Variants in TTLL4 observed in about 807,000 individuals in gnomAD.
TTLL4 encodes tubulin tyrosine ligase like 4.
In TTLL4, 85 loss-of-function variants were observed where a neutral mutation model predicts 122.7. The ratio of observed to expected loss-of-function variants is 0.69; its 90% CI spans 0.58 to 0.83. The LOEUF is 0.83. Ranked by LOEUF, TTLL4 falls within the 40% of genes least tolerant of loss-of-function variation. The pLI is 0.00. For missense variants in TTLL4, 1,363 were observed against 1,488.6 expected, an observed-to-expected ratio of 0.92 and a Z score of 1.39; for synonymous variants, 553 against 563.0, an observed-to-expected ratio of 0.98 and a Z score of 0.25.
rs149575697 is a variant in TTLL4, at chr2:218,738,314, A to G, written c.638A>G (p.Tyr213Cys). The G allele has an allele frequency of 2.2e-3, 3,507 of 1,614,078 alleles. 9 individuals are homozygous for G. The highest frequency in any genetic ancestry group is 2.7e-3 in the Non-Finnish European group (3,244 of 1,180,012). The stretch of plus-strand genomic sequence containing the variant: ...ATCCCATCTCCACTCTCTTCCTCCT[A>G]TAAGCCCATGCTGAATAATAATTCC... The part of the protein sequence containing the change: ...GKIPSPLSSS[Y>C]KPMLNNNSFM... Residue 213 changes from tyrosine to cysteine, a missense_variant, in exon 3 of 20, where the codon TAT becomes TGT. Transcript: ENST00000392102.
At chr2:218,743,724 G>A (rs558688828) in intron 5 of TTLL4, among the ~76,000 whole-genome samples, 2 of 152,202 alleles carry the variant, frequency 1.3e-5, no homozygotes, top group East Asian at 3.9e-4. Context: ...TTGTTACCCA[G>A]GCCGGAGTGC....
intron 2 of TTLL4, among the ~76,000 whole-genome samples, chr2:218,736,542 T>C (rs894707417): frequency 6.6e-6 from 1 of 152,228 alleles, no homozygotes; most frequent in African/African-American, 2.4e-5. Context: ...TGTCCTCTTC[T>C]TACTCCCTGA....
rs537101472 is a variant in TTLL4 at position 218,751,815 on chromosome 2, T to G, written c.2976+9T>G. 1 of 1,609,364 alleles carries G rather than the reference T, an allele frequency of 6.2e-7. No individual in the cohort carries two copies. The highest frequency in any genetic ancestry group is 1.1e-5 in the South Asian group (1 of 90,530). ...AGAAAATTCCTGATCAGGTAGGAGA[T>G]TGGTCTTCCCCCCAGTGCTAGCAGA... On this transcript the variant is annotated intron_variant, in intron 16 of 19. Transcript: ENST00000392102.
In TTLL4 at chr2:218,738,220, T is replaced by C. The variant is rs551001654; in HGVS notation, c.544T>C (p.Tyr182His). 1.9e-5 allele frequency: 31 copies of C among 1,614,060 alleles called. No homozygotes were observed. The highest frequency in any genetic ancestry group is 3.3e-4 in the Middle Eastern group (2 of 6,062). The change falls in exon 3 of 20, where the codon TAC becomes CAC. Residue 182 changes from tyrosine (Y) to histidine (H), a missense_variant. By Grantham distance (83) the Tyr-to-His change is moderately conservative. Coordinates refer to ENST00000392102, the MANE Select transcript of TTLL4 (RefSeq NM_014640.5). ...QPMASSSTEP[Y>H]LCLAAAGENP... Reference sequence around the variant, plus strand: ...CATGGCCTCCTCATCCACAGAACCATACCTCTGCTTGGCAGCGGCTGGGGA... The same window carrying C: ...CATGGCCTCCTCATCCACAGAACCACACCTCTGCTTGGCAGCGGCTGGGGA...
chr2:218,750,816 G>A (rs1279422049), intron 15 of TTLL4, among the ~76,000 whole-genome samples: 3 of 152,078 alleles, frequency 2.0e-5, no homozygotes, highest in African/African-American at 7.2e-5. Context: ...AACCTCTGCT[G>A]TTCATCAAAG....
chr2:218,754,206 A>G lies in TTLL4; in HGVS notation c.3417A>G (p.Gln1139=), dbSNP rs750067304. Residue 1139 remains glutamine (Q), a synonymous_variant, in exon 20 of 20, where the codon CAA becomes CAG. Transcript: ENST00000392102. ...DGTTPKSKKT[Q]AGLSPYPQKP... ...CCACGCCCAAATCCAAGAAGACTCA[A>G]GCTGGCCTTTCCCCTTATCCCCAGA... 2 of 1,614,176 alleles carry G rather than the reference A, an allele frequency of 1.2e-6. No homozygotes were observed. The highest frequency in any genetic ancestry group is 1.1e-5 in the South Asian group (1 of 91,088).
intron 2 of TTLL4, among the ~76,000 whole-genome samples, chr2:218,731,110 TAA>T (rs79616110): frequency 3.9e-5 from 4 of 101,768 alleles, no homozygotes; most frequent in Admixed American, 1.9e-4. Context: ...AGACCTTGTC[TAA>T]AAAAAAAAAA....
At chr2:218,740,679 G>T in intron 5 of TTLL4, 95 bp downstream of exon 5, 1 of 1,424,398 alleles carries the variant, frequency 7.0e-7, no homozygotes, top group Non-Finnish European at 9.8e-7. Flanking sequence ...ATGGCCTGGA[G>T]AACTCTAATG....
intron 2 of TTLL4, among the ~76,000 whole-genome samples, chr2:218,729,748 T>TAAAA (rs771622464): frequency 0.015 from 1,204 of 78,418 alleles, 32 homozygotes; most frequent in African/African-American, 0.05. Flanking sequence ...TCTCTCTTTT[T>TAAAA]AAAAAAAAAA....
intron 5 of TTLL4, among the ~76,000 whole-genome samples, chr2:218,744,254 A>G (rs2106445730): frequency 6.6e-6 from 1 of 152,348 alleles, no homozygotes; most frequent in East Asian, 1.9e-4. Context: ...TTAAACTAAA[A>G]ATTAATGTTA....
Position 218,748,124 on chromosome 2 carries a change from A to G in TTLL4, c.2398A>G (p.Ser800Gly). 6.2e-7 allele frequency: 1 copy of G among 1,614,110 alleles called. No homozygotes were observed. Among genetic ancestry groups the G allele is most frequent in the Non-Finnish European group, 8.5e-7 (1 of 1,180,016 alleles). ...TTCCAGGTATTCGCCTTCCATGAAGAGCCTTGGCAATAAGTTCATGCACCT... is the reference window on the plus strand; with the variant it reads ...TTCCAGGTATTCGCCTTCCATGAAGGGCCTTGGCAATAAGTTCATGCACCT... The part of the protein sequence containing the change: ...ASCKYSPSMK[S>G]LGNKFMHLTN... The change falls in exon 12 of 20, where the codon AGC becomes GGC. Residue 800 changes from serine (S) to glycine (G), a missense_variant. By Grantham distance (56) the Ser-to-Gly change is moderately conservative. Coordinates refer to ENST00000392102, the MANE Select transcript of TTLL4 (RefSeq NM_014640.5).
chr2:218,739,843 T>C (rs746573135), intron 3 of TTLL4, among the ~76,000 whole-genome samples: 1 of 152,194 alleles, frequency 6.6e-6, no homozygotes, highest in Admixed American at 6.5e-5. Context: ...ATGGAAAACA[T>C]AGTGCCTCTT....
chr2:218,751,670 C>T lies in TTLL4; in HGVS notation c.2874-34C>T, dbSNP rs748899551. On this transcript the variant is annotated intron_variant, in intron 15 of 19. Transcript: ENST00000392102. The stretch of plus-strand genomic sequence containing the variant: ...TCCTCCAAATAAGAAGCTGCTGACC[C>T]TGCCCTTTGCTTTCTTTCTGGCCTC... 2.1e-5 allele frequency: 33 copies of T among 1,606,948 alleles called. No individual in the cohort carries two copies. In the African/African-American group the frequency reaches 3.5e-4, roughly 17 times the overall value.
At chr2:218,749,522 G>A (rs1196939193) in intron 14 of TTLL4, 135 bp downstream of exon 14, 4 of 1,312,782 alleles carry the variant, frequency 3.0e-6, no homozygotes, top group East Asian at 2.5e-5. Flanking sequence ...AGGCTGGAGT[G>A]CAGTGGCGCA....
At chr2:218,749,124 T>G (rs1159627729) in intron 13 of TTLL4, 129 bp from the exon 14 acceptor site, 1 of 1,376,608 alleles carries the variant, frequency 7.3e-7, no homozygotes, top group Non-Finnish European at 1.0e-6. Flanking sequence ...ATCAGAGGTG[T>G]CACTTGAGAG....
chr2:218,730,913 G>A (rs1942362448), intron 2 of TTLL4, among the ~76,000 whole-genome samples: 1 of 152,076 alleles, frequency 6.6e-6, no homozygotes, highest in Non-Finnish European at 1.5e-5. Context: ...AGACCAGCCT[G>A]GGCAACATAG....
chr2:218,746,258 T>G, intron 8 of TTLL4, 27 bp downstream of exon 8: 1 of 1,607,420 alleles, frequency 6.2e-7, no homozygotes, highest in South Asian at 1.1e-5. Flanking sequence ...AGGAGCTGTT[T>G]CCCTGGACTT....
intron 12 of TTLL4, 93 bp from the exon 13 acceptor site, chr2:218,748,743 G>A: frequency 2.8e-6 from 3 of 1,056,248 alleles, no homozygotes; most frequent in South Asian, 3.0e-5. Flanking sequence ...GAGATATGAA[G>A]AAAATACCAT....
At chr2:218,729,743 CT>C (rs202131372) in intron 2 of TTLL4, among the ~76,000 whole-genome samples, 3,195 of 109,258 alleles carry the variant, frequency 0.029, 143 homozygotes, top group African/African-American at 0.12. Flanking sequence ...TTTTCTCTCT[CT>C]TTTTAAAAAA....
Sources: allele counts gnomAD v4.1 joint callset (sites outside exome capture counted in the v4.1 genomes callset), GRCh38; gene constraint gnomAD v4.1.1; transcripts MANE v1.5; gene names NCBI Gene and HGNC (gene_info 2026-07-23, HGNC 2026-07-21).